Variants in ZFPM1 observed in about 807,000 individuals in gnomAD.
ZFPM1 encodes zinc finger protein ZFPM1.
A neutral mutation model predicts 46.3 loss-of-function variants in ZFPM1; 28 were observed. The observed-to-expected ratio is 0.60, with a 90% CI of 0.45 to 0.83. The LOEUF is 0.83. Ranked by LOEUF, ZFPM1 falls within the 40% of genes least tolerant of loss-of-function variation. The probability of loss-of-function intolerance (pLI) is 0.00; values close to 1 mark genes in which losing one functional copy is unlikely to be tolerated. For synonymous variants in ZFPM1, 957 were observed against 675.9 expected, an observed-to-expected ratio of 1.42 and a Z score of -6.45; for missense variants, 1,878 against 1,432.4, an observed-to-expected ratio of 1.31 and a Z score of -5.02.
intron 4 of ZFPM1, among the ~76,000 whole-genome samples, chr16:88,526,233 G>T (rs4369647): frequency 0.01 from 1,589 of 152,312 alleles, 33 homozygotes; most frequent in African/African-American, 0.037. Context: ...ACGCCCTGTG[G>T]CAGGGAGGGG....
chr16:88,529,020 C>T (rs972660698), intron 6 of ZFPM1, among the ~76,000 whole-genome samples: 6 of 152,254 alleles, frequency 3.9e-5, no homozygotes, highest in Admixed American at 1.3e-4. Flanking sequence ...GGAGCCATAC[C>T]TGTGATCCCA....
chr16:88,476,942 A>T (rs1301060201), intron 1 of ZFPM1, among the ~76,000 whole-genome samples: 1 of 152,272 alleles, frequency 6.6e-6, no homozygotes, highest in East Asian at 1.9e-4. Context: ...CCCCAAGGGC[A>T]GTGCTTACGC....
intron 3 of ZFPM1, among the ~76,000 whole-genome samples, chr16:88,505,844 A>C (rs759176641): frequency 1.4e-4 from 21 of 151,952 alleles, no homozygotes; most frequent in Non-Finnish European, 2.4e-4. Context: ...GCAGAGAGAG[A>C]GCCTCGGCAG....
chr16:88,498,375 C>A (rs1044287291), intron 3 of ZFPM1, among the ~76,000 whole-genome samples: 1 of 152,148 alleles, frequency 6.6e-6, no homozygotes, highest in African/African-American at 2.4e-5. Context: ...GATGGGCCTG[C>A]CCTGGACGTG....
rs1288702601 is a variant in ZFPM1 at position 88,534,683 on chromosome 16, T to C, written c.2725T>C (p.Ser909Pro). 1.0e-6 allele frequency: 1 copy of C among 960,768 alleles called. No homozygotes were observed. The highest frequency in any genetic ancestry group is 1.2e-6 in the Non-Finnish European group (1 of 821,600). The allele number at this position is 960,768 out of a possible 1,614,324, so 59.5% of individuals were successfully genotyped here. Reference sequence around the variant, plus strand: ...CTCGCCCGCTCCCGCCCCCGCCGCCTCCCCGCAGCCCGGGTCCCGTGGCCC... The same window carrying C: ...CTCGCCCGCTCCCGCCCCCGCCGCCCCCCCGCAGCCCGGGTCCCGTGGCCC... ...GPSPAPAPAA[S>P]PQPGSRGPRD... Residue 909 changes from serine to proline, a missense_variant, in exon 10 of 10, where the codon TCC becomes CCC. Coordinates refer to ENST00000319555, the MANE Select transcript of ZFPM1 (RefSeq NM_153813.3).
chr16:88,501,492 C>CT (rs1910311974), intron 3 of ZFPM1, among the ~76,000 whole-genome samples: 1 of 111,616 alleles, frequency 9.0e-6, no homozygotes, highest in African/African-American at 3.9e-5. Context: ...GTGCGTGGGC[C>CT]CTCCCGCAGG....
chr16:88,527,929 A>C, intron 5 of ZFPM1, 103 bp from the exon 6 acceptor site: 3 of 1,198,160 alleles, frequency 2.5e-6, no homozygotes, highest in African/African-American at 1.6e-5. Context: ...ATGGCTGTGA[A>C]CCCGGGTGGC....
In ZFPM1 at chr16:88,535,154, A is replaced by G; in HGVS notation, c.*175A>G. 1.4e-6 allele frequency: 1 copy of G among 733,286 alleles called. No individual in the cohort carries two copies. Among genetic ancestry groups the G allele is most frequent in the East Asian group, 3.6e-5 (1 of 27,980 alleles). The allele number at this position is 733,286 out of a possible 1,614,324, so 45.4% of individuals were successfully genotyped here. ...CCCTTGGCACTTAATAAAGAAGTTC[A>G]GTTTGATGAGCATGGTGGTGGGCCA... is the stretch of plus-strand genomic sequence containing the variant. On this transcript the variant is annotated 3_prime_UTR_variant, in exon 10 of 10. Transcript: ENST00000319555.
At chr16:88,495,812 G>A (rs2142390492) in intron 3 of ZFPM1, among the ~76,000 whole-genome samples, 1 of 152,326 alleles carries the variant, frequency 6.6e-6, no homozygotes, top group Admixed American at 6.5e-5. Flanking sequence ...TTCACCAGGA[G>A]GCGTCTCGGG....
chr16:88,515,704 G>A (rs1657785893), intron 4 of ZFPM1, among the ~76,000 whole-genome samples: 1 of 152,246 alleles, frequency 6.6e-6, no homozygotes, highest in Admixed American at 6.5e-5. Flanking sequence ...CAGGGAGGTG[G>A]AAGAACGGCA....
chr16:88,498,313 G>A (rs1173990163), intron 3 of ZFPM1, among the ~76,000 whole-genome samples: 1 of 152,236 alleles, frequency 6.6e-6, no homozygotes, highest in African/African-American at 2.4e-5. Context: ...CTTCCCCGGA[G>A]GTTTGCTGAG....
At chr16:88,494,089 C>G (rs1291803716) in intron 3 of ZFPM1, among the ~76,000 whole-genome samples, 1 of 152,170 alleles carries the variant, frequency 6.6e-6, no homozygotes, top group African/African-American at 2.4e-5. Context: ...GTGTGTAGCG[C>G]AGAGTGTGGC....
At chr16:88,472,206 C>G (rs373029918) in intron 1 of ZFPM1, among the ~76,000 whole-genome samples, 1 of 151,738 alleles carries the variant, frequency 6.6e-6, no homozygotes, top group East Asian at 1.9e-4. Context: ...CGGTGGTGGG[C>G]AGGGCAGGTG....
intron 3 of ZFPM1, among the ~76,000 whole-genome samples, chr16:88,502,620 CT>C (rs1488111335): frequency 7.9e-5 from 12 of 152,204 alleles, no homozygotes; most frequent in African/African-American, 2.4e-4. Context: ...GTGACCCCCC[CT>C]AGCCGAGGGT....
rs544998668 is a variant in ZFPM1 at position 88,468,356 on chromosome 16, A to C, written c.40+14678A>C. 1.9e-3 allele frequency among the ~76,000 whole-genome samples: 292 copies of C among 152,270 alleles called. 2 individuals carry two copies. Among genetic ancestry groups the C allele is most frequent in the Non-Finnish European group, 3.2e-3 (217 of 68,026 alleles). ...AAAGTCATCATCATCATCATTTTGC[A>C]AAGAAAGCCCCCAAATAGCCCTCCC... On this transcript the variant is annotated intron_variant, in intron 1 of 9. Transcript: ENST00000319555.
chr16:88,498,221 C>A (rs1261708724), intron 3 of ZFPM1, among the ~76,000 whole-genome samples: 1 of 152,144 alleles, frequency 6.6e-6, no homozygotes, highest in African/African-American at 2.4e-5. Context: ...AGACCCCGCC[C>A]CACTTCACAG....
chr16:88,519,293 A>ATGGATGGATGGG (rs565418889), intron 4 of ZFPM1, among the ~76,000 whole-genome samples: 9 of 145,276 alleles, frequency 6.2e-5, no homozygotes, highest in African/African-American at 1.6e-4. Context: ...GGATGGATGG[A>ATGGATGGATGGG]TGGGTGGGTG....
Position 88,533,930 on chromosome 16 carries a change from G to C in ZFPM1, c.1972G>C (p.Ala658Pro). 8.0e-7 allele frequency: 1 copy of C among 1,248,826 alleles called. No homozygotes were observed. Among genetic ancestry groups the C allele is most frequent in the Non-Finnish European group, 1.0e-6 (1 of 976,878 alleles). The allele number at this position is 1,248,826 out of a possible 1,614,324, so 77.4% of individuals were successfully genotyped here. A position where few individuals can be genotyped will look rare whatever the true frequency, so the allele number is the denominator to read the frequency against. ...GGGCGCGGCCACGCCCGAGGACGGC[G>C]CGGGCGGCCGGGGCAGCGAGGGCAG... ...AGGAATPEDGAGGRGSEGSQS... is the reference protein window; with the variant it reads ...AGGAATPEDGPGGRGSEGSQS... Residue 658 changes from alanine (A) to proline (P), a missense_variant, in exon 10 of 10, where the codon GCG (alanine) becomes CCG (proline). Coordinates refer to ENST00000319555, the MANE Select transcript of ZFPM1 (RefSeq NM_153813.3).
At position 88,480,660 on chromosome 16, in the gene ZFPM1, G is replaced by C. The variant is rs992597769; in HGVS notation, c.41-5279G>C. 3.9e-5 allele frequency among the ~76,000 whole-genome samples: 6 copies of C among 152,240 alleles called. No homozygotes were observed. The highest frequency in any genetic ancestry group is 2.6e-4 in the Admixed American group (4 of 15,290). ...TCATCTCAAACACTGAGCCGGAGCAGGGTGCTCCCTGGGCCAGGGCCCTGG... is the reference window on the plus strand; with the variant it reads ...TCATCTCAAACACTGAGCCGGAGCACGGTGCTCCCTGGGCCAGGGCCCTGG... On this transcript the variant is annotated intron_variant, in intron 1 of 9. Transcript: ENST00000319555. The surrounding 1 kb of genome is among the most constrained non-coding windows in gnomAD (Gnocchi z 4.9).
Sources: allele counts gnomAD v4.1 joint callset (sites outside exome capture counted in the v4.1 genomes callset), GRCh38; gene constraint gnomAD v4.1.1; non-coding constraint Gnocchi (gnomAD v3.1); transcripts MANE v1.5; gene names NCBI Gene and HGNC (gene_info 2026-07-23, HGNC 2026-07-21).